The following MYO19 variants were observed in gnomAD, a reference collection of about 807,000 sequenced individuals.
The protein encoded by MYO19 is unconventional myosin-XIX.
Under a neutral mutation model 129.2 loss-of-function variants are expected in MYO19, and 132 were observed. The ratio of observed to expected loss-of-function variants is 1.02; its 90% confidence interval spans 0.89 to 1.18. MYO19 has a LOEUF of 1.18. Ranked by LOEUF, MYO19 falls within the 50% of genes most tolerant of loss-of-function variation. The pLI, the probability that MYO19 is intolerant of heterozygous loss-of-function variation, is 0.00. For synonymous variants in MYO19, 531 were observed against 477.2 expected (o/e 1.11, Z -1.47); for missense variants, 1,210 against 1,216.7 (o/e 0.99, Z 0.08).
chr17:36,516,356 A>G (rs556204122), intron 6 of MYO19, among the ~76,000 whole-genome samples: 1 of 152,352 alleles, frequency 6.6e-6, no homozygotes, highest in East Asian at 1.9e-4. Context: ...CAGGGCTCCC[A>G]TTTATACCCA....
chr17:36,508,397 A>G (rs2072072547), intron 14 of MYO19: 1 of 156,474 alleles, frequency 6.4e-6, no homozygotes, highest in Non-Finnish European at 1.4e-5. Context: ...TGTCCCACCT[A>G]GTTACAACCG....
chr17:36,501,212 C>T lies in MYO19; in HGVS notation c.2104G>A (p.Ala702Thr). Residue 702 changes from alanine (A) to threonine (T), a missense_variant, in exon 22 of 26, where the codon GCC becomes ACC. Ala to Thr is a moderately conservative substitution (Grantham distance 58). Transcript: ENST00000614623. ...TCCTGGATGAGAGGTTCAAGCGTGG[C>T]TTCCTCGCTGTGTGGACACCATTCT... ...LPEWCPHSEE[A>T]TLEPLIQDIL... 1 of 1,612,872 alleles carries T rather than the reference C, an allele frequency of 6.2e-7. No individual in the cohort carries two copies. Among genetic ancestry groups the T allele is most frequent in the Non-Finnish European group, 8.5e-7 (1 of 1,179,202 alleles).
rs1274233116 is a variant in MYO19, at chr17:36,498,483, A to G, written c.2540T>C (p.Leu847Pro). ...EKHFSQAPCS[L>P]STSPLQTRLL... is the part of the protein sequence containing the mutation. ...CCTGGTCTGCAGCGGCGAGGTGCTC[A>G]GGGAACAGGGAGCTTGAGAGAAGTG... The change falls in exon 25 of 26, where the codon CTG becomes CCG. Residue 847 changes from leucine to proline, a missense_variant. By Grantham distance (98) the Leu-to-Pro change is moderately conservative. Coordinates refer to ENST00000614623, the MANE Select transcript of MYO19 (RefSeq NM_001163735.2). The G allele has an allele frequency of 1.2e-6, 2 of 1,614,006 alleles. No homozygotes were observed. Among genetic ancestry groups the G allele is most frequent in the East Asian group, 4.5e-5 (2 of 44,894 alleles).
intron 3 of MYO19, among the ~76,000 whole-genome samples, chr17:36,531,633 G>A (rs775520955): frequency 2.6e-5 from 4 of 151,450 alleles, no homozygotes; most frequent in African/African-American, 7.3e-5. Context: ...CAAGAAAAAA[G>A]CCCAGAGCAG....
At chr17:36,519,291 TTTC>T (rs2072996790) in intron 6 of MYO19, among the ~76,000 whole-genome samples, 1 of 152,250 alleles carries the variant, frequency 6.6e-6, no homozygotes, top group African/African-American at 2.4e-5. Flanking sequence ...TTAGAACTGT[TTTC>T]TTGATGAATT....
intron 6 of MYO19, among the ~76,000 whole-genome samples, chr17:36,520,852 T>A (rs961129691): frequency 6.6e-6 from 1 of 152,384 alleles, no homozygotes; most frequent in East Asian, 1.9e-4. Flanking sequence ...TTAAATTATA[T>A]GCAGATTTTC....
chr17:36,525,439 G>T, intron 5 of MYO19, 98 bp from the exon 6 acceptor site: 1 of 877,712 alleles, frequency 1.1e-6, no homozygotes, highest in Non-Finnish European at 1.8e-6. Flanking sequence ...GCCAATAGCA[G>T]TGGTGGGATG....
intron 13 of MYO19, chr17:36,509,442 C>T (rs1162316069): frequency 1.1e-5 from 5 of 447,992 alleles, no homozygotes; most frequent in African/African-American, 3.9e-5. Flanking sequence ...TCACATGGCT[C>T]GAGACCCAGC....
chr17:36,542,408 A>G (rs894443446), intron 1 of MYO19, among the ~76,000 whole-genome samples: 7 of 152,172 alleles, frequency 4.6e-5, no homozygotes, highest in East Asian at 1.9e-4. Flanking sequence ...AATGAAGTCT[A>G]AAAGGTTTAG....
chr17:36,496,232 G>C lies in MYO19; in HGVS notation c.*19C>G, dbSNP rs1440159543. The C allele has an allele frequency of 6.2e-7, 1 of 1,612,748 alleles. No individual in the cohort carries two copies. Among genetic ancestry groups the C allele is most frequent in the Admixed American group, 1.7e-5 (1 of 59,964 alleles). On this transcript the variant is annotated 3_prime_UTR_variant, in exon 26 of 26. Coordinates refer to ENST00000614623, the MANE Select transcript of MYO19 (RefSeq NM_001163735.2). ...GCAGGGGGCAGGAAAAGGCCTTGTG[G>C]AAACAAAGGCACCAAGGATCACCCC...
intron 6 of MYO19, among the ~76,000 whole-genome samples, chr17:36,519,033 T>A (rs954128011): frequency 2.6e-5 from 4 of 152,198 alleles, no homozygotes; most frequent in Admixed American, 1.3e-4. Context: ...AAACTGGGAC[T>A]ACAGGCACAA....
chr17:36,528,804 T>C (rs532065787), intron 3 of MYO19, among the ~76,000 whole-genome samples: 1 of 152,352 alleles, frequency 6.6e-6, no homozygotes, highest in African/African-American at 2.4e-5. Context: ...ATACAGCATG[T>C]ACTCAACAAA....
intron 25 of MYO19, 104 bp from the exon 26 acceptor site, chr17:36,496,510 G>A: frequency 9.4e-7 from 1 of 1,068,938 alleles, no homozygotes; most frequent in South Asian, 1.5e-5. Flanking sequence ...GTATGGACAA[G>A]TACTAGTATT....
At chr17:36,506,828 C>T in intron 17 of MYO19, 135 bp downstream of exon 17, 1 of 1,230,114 alleles carries the variant, frequency 8.1e-7, no homozygotes, top group Non-Finnish European at 1.1e-6. Context: ...ACAGGTGGGC[C>T]CAAGATGGTG....
intron 5 of MYO19, among the ~76,000 whole-genome samples, chr17:36,527,175 T>C (rs1285697565): frequency 1.3e-5 from 2 of 151,252 alleles, no homozygotes; most frequent in Non-Finnish European, 2.9e-5. Flanking sequence ...TCAAAATAAA[T>C]AAATAAATAA....
At chr17:36,514,061 C>T (rs2072562161) in intron 9 of MYO19, among the ~76,000 whole-genome samples, 1 of 152,206 alleles carries the variant, frequency 6.6e-6, no homozygotes, top group Admixed American at 6.5e-5. Flanking sequence ...GATATCCTAT[C>T]CATGCCTTGG....
upstream of MYO19, among the ~76,000 whole-genome samples, chr17:36,536,367 A>T (rs2074122916): frequency 6.6e-6 from 1 of 152,148 alleles, no homozygotes; most frequent in Admixed American, 6.5e-5. Context: ...TAGCGTTTGA[A>T]TTTGCTTTAA....
chr17:36,538,171 T>C, upstream of MYO19: 2 of 1,613,948 alleles, frequency 1.2e-6, no homozygotes, highest in Middle Eastern at 1.7e-4. Flanking sequence ...CTTTACGTAG[T>C]TCAAGTAAAT....
intron 1 of MYO19, among the ~76,000 whole-genome samples, chr17:36,534,518 G>A (rs2074015109): frequency 6.6e-6 from 1 of 152,194 alleles, no homozygotes; most frequent in African/African-American, 2.4e-5. Context: ...GCCGCCCCCT[G>A]CCGGCCAGGT....
Sources: allele counts gnomAD v4.1 joint callset (sites outside exome capture counted in the v4.1 genomes callset), GRCh38; gene constraint gnomAD v4.1.1; transcripts MANE v1.5; gene names NCBI Gene and HGNC (gene_info 2026-07-23, HGNC 2026-07-21).